The following IQCH variants were observed in gnomAD, a reference collection of about 807,000 sequenced individuals.
IQCH encodes IQ domain-containing protein H.
In IQCH, 98 loss-of-function variants were observed where a neutral mutation model predicts 117.0. That is an observed-to-expected ratio of 0.84 (90% CI 0.71 to 0.99). The LOEUF (loss-of-function observed/expected upper bound fraction) is 0.99, where lower values mean the gene tolerates loss of function less well. Among genes scored for constraint, IQCH ranks in the 50% least tolerant of loss-of-function variants. The pLI is 0.00. For missense variants in IQCH, 1,102 were observed against 1,243.8 expected (o/e 0.89, Z 1.72); for synonymous variants, 412 against 448.2 (o/e 0.92, Z 1.02).
chr15:67,361,950 T>G (rs1017026621), intron 8 of IQCH, among the ~76,000 whole-genome samples: 1 of 152,192 alleles, frequency 6.6e-6, no homozygotes, highest in African/African-American at 2.4e-5. Context: ...TCACTCAATT[T>G]TAATTAATAT....
At chr15:67,314,341 C>G (rs945464768) in intron 4 of IQCH, among the ~76,000 whole-genome samples, 2 of 151,984 alleles carry the variant, frequency 1.3e-5, no homozygotes, top group Non-Finnish European at 2.9e-5. Context: ...CAGTATGAGC[C>G]TCCTCTCCCA....
rs1377570352 is a variant in IQCH at position 67,390,592 on chromosome 15, G to A, written c.1632+1586G>A. On this transcript the variant is annotated intron_variant, in intron 12 of 20. Transcript: ENST00000335894. The surrounding 1 kb of genome is among the most constrained non-coding windows in gnomAD (Gnocchi z 5.0). The stretch of plus-strand genomic sequence containing the variant: ...CAACCTCTGCCTCCCAGGTTCAAGC[G>A]ATTCTCCTGCCTCAGCCTCCTGAGT... Among the ~76,000 whole-genome samples the A allele has an allele frequency of 3.9e-5, 6 of 151,986 alleles. No homozygotes were observed. Among genetic ancestry groups the A allele is most frequent in the South Asian group, 4.1e-4 (2 of 4,828 alleles).
chr15:67,479,620 C>T lies in IQCH; in HGVS notation c.2799+3802C>T, dbSNP rs2083294039. Among the ~76,000 whole-genome samples the T allele has an allele frequency of 6.6e-6, 1 of 152,144 alleles. No homozygotes were observed. The highest frequency in any genetic ancestry group is 2.4e-5 in the African/African-American group (1 of 41,448). On this transcript the variant is annotated intron_variant, in intron 18 of 20. Transcript: ENST00000335894. This position sits in a 1 kb window ranked among gnomAD's most constrained non-coding sequence, Gnocchi z 4.6. ...AAAAAAAGTTTAACAATTAATTTCC[C>T]TAAAATTTTATTGCCTGTTTGGGTT...
rs2082422159 is a variant in IQCH at position 67,447,706 on chromosome 15, C to T, written c.2506-17421C>T. ...CTGGGACAAAGCTTTTCTGAGCCAC[C>T]GGCCCACTACCTGAGCAGCCCCTTC... On this transcript the variant is annotated intron_variant, in intron 16 of 20. Transcript: ENST00000335894. This position sits in a 1 kb window ranked among gnomAD's most constrained non-coding sequence, Gnocchi z 5.3. Among the ~76,000 whole-genome samples the T allele has an allele frequency of 1.3e-5, 2 of 152,094 alleles. No homozygotes were observed. Among genetic ancestry groups the T allele is most frequent in the Admixed American group, 1.3e-4 (2 of 15,266 alleles).
intron 3 of IQCH, among the ~76,000 whole-genome samples, chr15:67,270,596 T>C (rs542665547): frequency 6.6e-6 from 1 of 152,272 alleles, no homozygotes; most frequent in South Asian, 2.1e-4. Context: ...TTAGTCTCCA[T>C]GGGAACTGGT....
intron 4 of IQCH, among the ~76,000 whole-genome samples, chr15:67,313,607 TAGTG>T (rs1967706050): frequency 6.6e-6 from 1 of 152,102 alleles, no homozygotes; most frequent in Admixed American, 6.6e-5. Context: ...AGGTAGAGAA[TAGTG>T]AGAGTAACAG....
chr15:67,435,351 G>A (rs982619153), intron 16 of IQCH, among the ~76,000 whole-genome samples: 5 of 152,246 alleles, frequency 3.3e-5, no homozygotes, highest in South Asian at 2.1e-4. Flanking sequence ...TCAGGAGGCT[G>A]AGGTGGGCAG....
At chr15:67,272,227 T>G (rs1025192123) in intron 3 of IQCH, among the ~76,000 whole-genome samples, 8 of 152,210 alleles carry the variant, frequency 5.3e-5, no homozygotes, top group Admixed American at 3.3e-4. Context: ...CCAAGGTTCC[T>G]CTTGTTATTG....
intron 18 of IQCH, among the ~76,000 whole-genome samples, chr15:67,477,833 A>G (rs2083242575): frequency 1.3e-5 from 2 of 152,172 alleles, no homozygotes; most frequent in Non-Finnish European, 2.9e-5. Flanking sequence ...ATTACTTTCT[A>G]TTGCCTGAAA....
At position 67,496,810 on chromosome 15, in the gene IQCH, A is replaced by G. The variant is rs1182239318; in HGVS notation, c.2970+2444A>G. Among the ~76,000 whole-genome samples the G allele has an allele frequency of 1.3e-5, 2 of 151,580 alleles. No homozygotes were observed. Among genetic ancestry groups the G allele is most frequent in the African/African-American group, 4.9e-5 (2 of 41,224 alleles). ...GAGGCTGGTGGATCATGAGGTCAGGAGATCGAGACCATCCTGGCTAACAAG... is the reference window on the plus strand; with the variant it reads ...GAGGCTGGTGGATCATGAGGTCAGGGGATCGAGACCATCCTGGCTAACAAG... On this transcript the variant is annotated intron_variant, in intron 20 of 20. Coordinates refer to ENST00000335894, the MANE Select transcript of IQCH (RefSeq NM_001031715.3). This position sits in a 1 kb window ranked among gnomAD's most constrained non-coding sequence, Gnocchi z 4.4.
chr15:67,433,897 T>A lies in IQCH; in HGVS notation c.2505+12320T>A, dbSNP rs1427549481. 6.6e-6 allele frequency among the ~76,000 whole-genome samples: 1 copy of A among 152,216 alleles called. No individual in the cohort carries two copies. The highest frequency in any genetic ancestry group is 1.5e-5 in the Non-Finnish European group (1 of 68,046). ...TGTCACCTGTGGTCAAGACTTTTTA[T>A]GTGATAAATTTTCTCTTACAAAATT... On this transcript the variant is annotated intron_variant, in intron 16 of 20. Coordinates refer to ENST00000335894, the MANE Select transcript of IQCH (RefSeq NM_001031715.3). This position sits in a 1 kb window ranked among gnomAD's most constrained non-coding sequence, Gnocchi z 5.4.
chr15:67,286,600 TTATTTATTTATTTATG>T (rs762780234), intron 4 of IQCH, among the ~76,000 whole-genome samples: 4 of 112,760 alleles, frequency 3.5e-5, no homozygotes, highest in Admixed American at 1.0e-4. Flanking sequence ...ATTTATTTAT[TTATTTATTTATTTATG>T]TATTTATTTA....
rs183688984 is a variant in IQCH at position 67,364,182 on chromosome 15, T to C, written c.753+4297T>C. ...AATTTACATTCCCACTGGCAGTGTA[T>C]AAGCATTCCCTTTTCTCTGCAACCT... On this transcript the variant is annotated intron_variant, in intron 8 of 20. Coordinates refer to ENST00000335894, the MANE Select transcript of IQCH (RefSeq NM_001031715.3). The surrounding 1 kb of genome is among the most constrained non-coding windows in gnomAD (Gnocchi z 4.1). 3.9e-5 allele frequency among the ~76,000 whole-genome samples: 6 copies of C among 152,228 alleles called. No homozygotes were observed. The highest frequency in any genetic ancestry group is 1.4e-4 in the African/African-American group (6 of 41,460).
chr15:67,500,620 T>A lies in IQCH; in HGVS notation c.2971-13T>A. On this transcript the variant is annotated splice_polypyrimidine_tract_variant and intron_variant, in intron 20 of 20. Coordinates refer to ENST00000335894, the MANE Select transcript of IQCH (RefSeq NM_001031715.3). This position sits in a 1 kb window ranked among gnomAD's most constrained non-coding sequence, Gnocchi z 4.4. ...AGAGGTCTTTAAGTAATAAATATTG[T>A]CTTTATTTACAGACCACCATTGCTG... The A allele has an allele frequency of 7.4e-7, 1 of 1,345,092 alleles. No homozygotes were observed. Among genetic ancestry groups the A allele is most frequent in the South Asian group, 1.2e-5 (1 of 81,116 alleles). The allele number at this position is 1,345,092 out of a possible 1,614,324, so 83.3% of individuals were successfully genotyped here.
chr15:67,326,537 G>T (rs879440317), intron 4 of IQCH, among the ~76,000 whole-genome samples: 1 of 152,202 alleles, frequency 6.6e-6, no homozygotes, highest in Non-Finnish European at 1.5e-5. Flanking sequence ...TTCAGGAGTC[G>T]CCACACTGTC....
chr15:67,317,016 A>T (rs1464272106), intron 4 of IQCH, among the ~76,000 whole-genome samples: 1 of 152,178 alleles, frequency 6.6e-6, no homozygotes, highest in African/African-American at 2.4e-5. Flanking sequence ...TAACTCAAGG[A>T]CTAGAACAAG....
chr15:67,415,298 C>T (rs1567168913), intron 14 of IQCH, among the ~76,000 whole-genome samples: 2 of 152,182 alleles, frequency 1.3e-5, no homozygotes, highest in African/African-American at 4.8e-5. Context: ...CTTGTCTCTG[C>T]ATCACAAGAC....
At chr15:67,338,192 G>A (rs368193999) in intron 5 of IQCH, among the ~76,000 whole-genome samples, 1 of 119,522 alleles carries the variant, frequency 8.4e-6, no homozygotes, top group Non-Finnish European at 1.9e-5. Context: ...TGAATGAATC[G>A]ATATATCTGT....
chr15:67,475,906 G>C lies in IQCH; in HGVS notation c.2799+88G>C. 8.4e-7 allele frequency: 1 copy of C among 1,186,676 alleles called. No homozygotes were observed. Among genetic ancestry groups the C allele is most frequent in the Non-Finnish European group, 1.2e-6 (1 of 817,318 alleles). The allele number at this position is 1,186,676 out of a possible 1,614,324, so 73.5% of individuals were successfully genotyped here. On this transcript the variant is annotated intron_variant, in intron 18 of 20. Transcript: ENST00000335894. The surrounding 1 kb of genome is among the most constrained non-coding windows in gnomAD (Gnocchi z 5.7). ...TAATAATTTGGTGCCCCTTCAGATA[G>C]ATATTCTTTAAATACCGGTTTGACG...
Sources: gnomAD v4.1 joint callset for allele counts (sites outside exome capture counted in the v4.1 genomes callset) on GRCh38, gnomAD v4.1.1 for gene constraint, Gnocchi (gnomAD v3.1) non-coding constraint, MANE v1.5 for transcripts, NCBI Gene and HGNC (gene_info 2026-07-23, HGNC 2026-07-21) for gene names.